Variants in MDGA2 observed in about 807,000 individuals in gnomAD.
MDGA2 encodes MAM domain containing glycosylphosphatidylinositol anchor 2.
Under a neutral mutation model 117.8 loss-of-function variants are expected in MDGA2, and 40 were observed. That is an observed-to-expected ratio of 0.34 (90% CI 0.26 to 0.44). MDGA2 has a LOEUF of 0.44. Among genes scored for constraint, MDGA2 ranks in the 20% least tolerant of loss-of-function variants. MDGA2 has a pLI of 1.00. For synonymous variants in MDGA2, 452 were observed against 439.0 expected (o/e 1.03, Z -0.37); for missense variants, 1,123 against 1,250.6 (o/e 0.90, Z 1.54).
rs1441557426 is a variant in MDGA2 at position 47,550,634 on chromosome 14, T to C, written c.280+123883A>G. Reference sequence around the variant, plus strand: ...TAATACATGATTCATTCACTGTTTTTTTTTTCACTTTTAAATTCACTATCC... The same window carrying C: ...TAATACATGATTCATTCACTGTTTTCTTTTTCACTTTTAAATTCACTATCC... On this transcript the variant is annotated intron_variant, in intron 1 of 16. Transcript: ENST00000399232. Among the ~76,000 whole-genome samples the C allele has an allele frequency of 3.3e-5, 5 of 152,174 alleles. No homozygotes were observed. In the East Asian group the frequency reaches 9.6e-4, roughly 29 times the overall value.
intron 1 of MDGA2, among the ~76,000 whole-genome samples, chr14:47,595,282 C>T (rs943679472): frequency 6.6e-6 from 1 of 151,658 alleles, no homozygotes; most frequent in Non-Finnish European, 1.5e-5. Flanking sequence ...AATTAGTAAT[C>T]CCAGCCCTTT....
At chr14:47,367,343 T>C (rs1006665486) in intron 1 of MDGA2, among the ~76,000 whole-genome samples, 1 of 152,170 alleles carries the variant, frequency 6.6e-6, no homozygotes, top group South Asian at 2.1e-4. Flanking sequence ...TCTCTGGCTG[T>C]ACCAAAAAAG....
intron 1 of MDGA2, among the ~76,000 whole-genome samples, chr14:47,607,869 C>G (rs1896769643): frequency 6.6e-6 from 1 of 152,020 alleles, no homozygotes; most frequent in Non-Finnish European, 1.5e-5. Flanking sequence ...TTAGAAATGG[C>G]CTAATCCAGC....
At chr14:46,981,973 T>A (rs1037188695) in intron 8 of MDGA2, among the ~76,000 whole-genome samples, 1 of 152,200 alleles carries the variant, frequency 6.6e-6, no homozygotes, top group African/African-American at 2.4e-5. Context: ...TATCATCAGT[T>A]CAACTTAGAG....
chr14:47,102,182 A>T (rs567464887), intron 5 of MDGA2, among the ~76,000 whole-genome samples: 1 of 152,264 alleles, frequency 6.6e-6, no homozygotes, highest in African/African-American at 2.4e-5. Flanking sequence ...ATGAAAAAGG[A>T]ACCCAGCTTT....
intron 3 of MDGA2, among the ~76,000 whole-genome samples, chr14:47,154,927 G>A (rs764158319): frequency 3.3e-5 from 5 of 152,182 alleles, no homozygotes; most frequent in Non-Finnish European, 4.4e-5. Context: ...AACTTATGGT[G>A]CTTTTTCCAG....
intron 14 of MDGA2, among the ~76,000 whole-genome samples, chr14:46,865,509 C>T (rs916647995): frequency 6.6e-6 from 1 of 152,146 alleles, no homozygotes; most frequent in Middle Eastern, 3.2e-3. Context: ...CTCACCAGTC[C>T]TATTCAACAT....
At chr14:47,334,310 C>T (rs934974746) in intron 1 of MDGA2, among the ~76,000 whole-genome samples, 3 of 151,852 alleles carry the variant, frequency 2.0e-5, no homozygotes, top group African/African-American at 7.2e-5. Context: ...TATTAAAAAT[C>T]CTTTTCGTAG....
intron 3 of MDGA2, among the ~76,000 whole-genome samples, chr14:47,214,069 C>G (rs1189676902): frequency 1.3e-5 from 2 of 152,000 alleles, no homozygotes; most frequent in African/African-American, 4.8e-5. Flanking sequence ...CTCACTATCA[C>G]GAGAACTGCA....
chr14:46,975,537 G>A (rs1183448494), intron 8 of MDGA2, among the ~76,000 whole-genome samples: 1 of 152,096 alleles, frequency 6.6e-6, no homozygotes, highest in Non-Finnish European at 1.5e-5. Flanking sequence ...TCTGACATAT[G>A]CTACAACATG....
intron 1 of MDGA2, among the ~76,000 whole-genome samples, chr14:47,396,812 G>C (rs186971819): frequency 1.3e-5 from 2 of 152,064 alleles, no homozygotes; most frequent in African/African-American, 4.8e-5. Flanking sequence ...TTAGAATGGC[G>C]ATCCTTAAAA....
Position 46,921,868 on chromosome 14 carries a change from TAG to T in MDGA2, c.2090-1710_2090-1709del, listed in dbSNP as rs1397446491. 2.0e-5 allele frequency among the ~76,000 whole-genome samples: 3 copies of T among 152,204 alleles called. No individual in the cohort carries two copies. In the East Asian group the frequency reaches 5.8e-4, roughly 30 times the overall value. ...GCTGCTTAGATGAGTAACATAAACC[TAG>T]AGTGTTTTCATTACAGAGTGGTATC... On this transcript the variant is annotated intron_variant, in intron 9 of 16. Coordinates refer to ENST00000399232, the MANE Select transcript of MDGA2 (RefSeq NM_001113498.3).
At chr14:46,973,057 CAAT>C (rs1421018676) in intron 8 of MDGA2, among the ~76,000 whole-genome samples, 4 of 151,980 alleles carry the variant, frequency 2.6e-5, no homozygotes, top group Non-Finnish European at 5.9e-5. Context: ...CAAATTAAAA[CAAT>C]AAAATACCAT....
chr14:47,579,156 G>A (rs1003136655), intron 1 of MDGA2, among the ~76,000 whole-genome samples: 8 of 151,920 alleles, frequency 5.3e-5, no homozygotes, highest in Non-Finnish European at 1.0e-4. Flanking sequence ...TGAATTCTTG[G>A]ATAAAAATAT....
intron 4 of MDGA2, among the ~76,000 whole-genome samples, chr14:47,139,883 C>CATATAT (rs368412441): frequency 5.0e-4 from 61 of 120,946 alleles, no homozygotes; most frequent in African/African-American, 1.9e-3. Context: ...CACACACACA[C>CATATAT]ATATATATAT....
chr14:47,227,457 C>T (rs1273272555), intron 2 of MDGA2, among the ~76,000 whole-genome samples: 2 of 152,196 alleles, frequency 1.3e-5, no homozygotes, highest in African/African-American at 4.8e-5. Flanking sequence ...TGCTTTCTTG[C>T]TCCATTATCA....
chr14:47,409,200 C>G (rs915576751), intron 1 of MDGA2, among the ~76,000 whole-genome samples: 5 of 152,148 alleles, frequency 3.3e-5, no homozygotes, highest in Non-Finnish European at 5.9e-5. Flanking sequence ...AATGTGGCTG[C>G]TGTATTGAAC....
Position 47,350,591 on chromosome 14 carries a change from G to A in MDGA2, c.281-49041C>T, listed in dbSNP as rs139820430. ...TGTGCACGCGTGTGTGTGTGTGCGC[G>A]CACACGTGGGAGTGTAAGACAATAT... is the stretch of plus-strand genomic sequence containing the variant. On this transcript the variant is annotated intron_variant, in intron 1 of 16. Transcript: ENST00000399232. Among the ~76,000 whole-genome samples, 110 of 152,234 alleles carry A rather than the reference G, an allele frequency of 7.2e-4. 1 individual carries two copies. The East Asian group carries it at 0.019, about 26-fold the overall frequency.
chr14:46,864,909 A>G (rs898232670), intron 14 of MDGA2, among the ~76,000 whole-genome samples: 3 of 152,010 alleles, frequency 2.0e-5, no homozygotes, highest in Non-Finnish European at 4.4e-5. Context: ...AAGTACCTTA[A>G]TATTTTATAT....
Sources: allele counts gnomAD v4.1 joint callset (sites outside exome capture counted in the v4.1 genomes callset), GRCh38; gene constraint gnomAD v4.1.1; transcripts MANE v1.5; gene names NCBI Gene and HGNC (gene_info 2026-07-23, HGNC 2026-07-21).